Variants in DGCR8 observed in about 807,000 individuals in gnomAD.
The protein encoded by DGCR8 is DGCR8 microprocessor complex subunit.
DGCR8 carries 14 observed loss-of-function variants against 78.5 expected under a neutral mutation model. The ratio of observed to expected loss-of-function variants is 0.18; its 90% CI spans 0.12 to 0.28. DGCR8 has a LOEUF of 0.28. DGCR8 is among the 10% of genes least tolerant of loss of function. The pLI, the probability that DGCR8 is intolerant of heterozygous loss-of-function variation, is 1.00. For synonymous variants in DGCR8, 399 were observed against 402.4 expected (o/e 0.99, Z 0.10); for missense variants, 702 against 1,022.5 (o/e 0.69, Z 4.28).
intron 3 of DGCR8, among the ~76,000 whole-genome samples, chr22:20,088,353 T>A (rs913802661): frequency 3.9e-5 from 6 of 152,064 alleles, no homozygotes; most frequent in Non-Finnish European, 8.8e-5. Flanking sequence ...ATTCAGAAGG[T>A]AAACCCACAT....
At chr22:20,101,945 T>C (rs1263350769) in intron 9 of DGCR8, 1 of 985,322 alleles carries the variant, frequency 1.0e-6, no homozygotes, top group African/African-American at 1.7e-5. Flanking sequence ...TGCTACTTGA[T>C]TAAAAAGGGA....
intron 1 of DGCR8, among the ~76,000 whole-genome samples, chr22:20,081,728 C>T (rs1294722697): frequency 6.6e-6 from 1 of 152,198 alleles, no homozygotes; most frequent in Non-Finnish European, 1.5e-5. Context: ...GTGTTTCTGG[C>T]CACCTCTTCC....
At position 20,091,617 on chromosome 22, in the gene DGCR8, G is replaced by A. The variant is rs1222749114; in HGVS notation, c.1489G>A (p.Ala497Thr). ...GCTCATTACTTTATCAGTGCAAGAT[G>A]CACCCACAAAGAAAGGTATAAGCCT... ...QKLITLSVQD[A>T]PTKKEFVINP... The change falls in exon 6 of 14, where the codon GCA (alanine) becomes ACA (threonine). Residue 497 changes from alanine (A) to threonine (T), a missense_variant. Ala to Thr is a moderately conservative substitution (Grantham distance 58). This residue lies in a region of DGCR8 where 225 missense variants were observed against 427.7 expected (regional missense o/e 0.53). Coordinates refer to ENST00000351989, the MANE Select transcript of DGCR8 (RefSeq NM_022720.7). The A allele has an allele frequency of 6.2e-7, 1 of 1,614,022 alleles. No individual in the cohort carries two copies. Among genetic ancestry groups the A allele is most frequent in the Non-Finnish European group, 8.5e-7 (1 of 1,180,012 alleles).
Position 20,087,227 on chromosome 22 carries a change from A to G in DGCR8, c.786A>G (p.Arg262=), listed in dbSNP as rs747257679. 1.2e-5 allele frequency: 20 copies of G among 1,614,136 alleles called. No homozygotes were observed. The East Asian group carries it at 4.2e-4, about 34-fold the overall frequency. The change falls in exon 3 of 14, where the codon CGA becomes CGG. Residue 262 remains arginine, a synonymous_variant. Transcript: ENST00000351989. This position sits in a 1 kb window ranked among gnomAD's most constrained non-coding sequence, Gnocchi z 4.1. ...GCCTTTGTGCCCCCAAAAAGAGGCG[A>G]ACAGAGGAAAAATATGGCGGAGACA... ...EEGLCAPKKR[R]TEEKYGGDSD... is the part of the protein sequence containing the mutation.
At chr22:20,084,936 C>T in intron 1 of DGCR8, 1 of 981,644 alleles carries the variant, frequency 1.0e-6, no homozygotes, top group Non-Finnish European at 1.2e-6. Flanking sequence ...TCAGTGGCTC[C>T]TTATTGTCCC....
rs2049844035 is a variant in DGCR8, at chr22:20,111,480, C to T, written c.*1372C>T. ...CTTCTGTTGACCTTTAAAAAAGAAA[C>T]CCTCAACTCAAATTGCTATAATTAG... On this transcript the variant is annotated 3_prime_UTR_variant, in exon 14 of 14. Coordinates refer to ENST00000351989, the MANE Select transcript of DGCR8 (RefSeq NM_022720.7). 7.5e-6 allele frequency: 3 copies of T among 397,992 alleles called. No individual in the cohort carries two copies. The East Asian group carries it at 1.1e-4, about 14-fold the overall frequency. 24.7% of individuals were successfully genotyped at this position (397,992 alleles called of 1,614,324 possible). A position where few individuals can be genotyped will look rare whatever the true frequency, so the allele number is the denominator to read the frequency against.
intron 9 of DGCR8, chr22:20,101,660 T>C (rs977817621): frequency 4.1e-6 from 4 of 985,110 alleles, no homozygotes; most frequent in Middle Eastern, 5.2e-4. Flanking sequence ...TTCCCTCCGT[T>C]GTAGGGTGGT....
chr22:20,096,708 G>A (rs2049632713), intron 9 of DGCR8, among the ~76,000 whole-genome samples: 1 of 152,202 alleles, frequency 6.6e-6, no homozygotes, highest in African/African-American at 2.4e-5. Context: ...CCACTAATCT[G>A]CTTTCTGTCT....
intron 9 of DGCR8, among the ~76,000 whole-genome samples, chr22:20,104,046 C>G (rs893089947): frequency 2.7e-4 from 41 of 152,312 alleles, no homozygotes; most frequent in African/African-American, 8.7e-4. Context: ...CAGGTCACTT[C>G]TGCCATCTGT....
At chr22:20,097,397 T>G (rs2049641250) in intron 9 of DGCR8, among the ~76,000 whole-genome samples, 1 of 152,238 alleles carries the variant, frequency 6.6e-6, no homozygotes, top group Admixed American at 6.5e-5. Context: ...GAGCCAGTGT[T>G]GATAGTTTGT....
chr22:20,104,907 T>A (rs1395147777), intron 9 of DGCR8, among the ~76,000 whole-genome samples: 1 of 152,186 alleles, frequency 6.6e-6, no homozygotes, highest in Non-Finnish European at 1.5e-5. Context: ...GGAGCGGGCT[T>A]GGCACACTGT....
rs1360521385 is a variant in DGCR8 at position 20,110,048 on chromosome 22, G to A, written c.2262G>A (p.Lys754=). ...EEREETRKKP[K]MSIVASAQPG... ...AGGAGGAGACTCGAAAGAAGCCCAA[G>A]ATGTCCATTGTGGCGTCCGCCCAGC... Residue 754 remains lysine, a synonymous_variant, in exon 14 of 14, where the codon AAG becomes AAA. Coordinates refer to ENST00000351989, the MANE Select transcript of DGCR8 (RefSeq NM_022720.7). The A allele has an allele frequency of 1.2e-6, 2 of 1,613,718 alleles. No individual in the cohort carries two copies. Among genetic ancestry groups the A allele is most frequent in the South Asian group, 1.1e-5 (1 of 91,088 alleles).
intron 9 of DGCR8, among the ~76,000 whole-genome samples, chr22:20,105,224 C>T (rs907553613): frequency 2.0e-5 from 3 of 152,200 alleles, no homozygotes; most frequent in African/African-American, 7.2e-5. Context: ...ATATGAAAAT[C>T]GGAGCAATGC....
At chr22:20,088,924 A>G (rs2049521082) in intron 3 of DGCR8, among the ~76,000 whole-genome samples, 1 of 152,080 alleles carries the variant, frequency 6.6e-6, no homozygotes, top group Non-Finnish European at 1.5e-5. Context: ...CCAGGACTAT[A>G]GGTGTATGCC....
chr22:20,103,359 G>A (rs1312813460), intron 9 of DGCR8, among the ~76,000 whole-genome samples: 1 of 152,108 alleles, frequency 6.6e-6, no homozygotes, highest in African/African-American at 2.4e-5. Context: ...AATATTTTAT[G>A]TATGGCACTG....
In DGCR8 at chr22:20,110,532, G is replaced by A. The variant is rs564868379; in HGVS notation, c.*424G>A. On this transcript the variant is annotated 3_prime_UTR_variant, in exon 14 of 14. Transcript: ENST00000351989. Reference sequence around the variant, plus strand: ...CTGTGGCTGGCCCGTGATGCCAGGTGGCCCATGTGCCCAGGGCGCCTGCAG... The same window carrying A: ...CTGTGGCTGGCCCGTGATGCCAGGTAGCCCATGTGCCCAGGGCGCCTGCAG... 3.0e-5 allele frequency: 5 copies of A among 166,436 alleles called. No individual in the cohort carries two copies. The Admixed American group carries it at 3.1e-4, about 10-fold the overall frequency. The allele number at this position is 166,436 out of a possible 1,614,324, so 10.3% of individuals were successfully genotyped here.
In DGCR8 at chr22:20,111,575, C is replaced by T; in HGVS notation, c.*1467C>T. 5.0e-6 allele frequency: 2 copies of T among 397,352 alleles called. No individual in the cohort carries two copies. Among genetic ancestry groups the T allele is most frequent in the Non-Finnish European group, 4.4e-6 (1 of 225,802 alleles). 24.6% of individuals were successfully genotyped at this position (397,352 alleles called of 1,614,324 possible). On this transcript the variant is annotated 3_prime_UTR_variant, in exon 14 of 14. Coordinates refer to ENST00000351989, the MANE Select transcript of DGCR8 (RefSeq NM_022720.7). ...ATTTGACTGTGACTGTTGCCCTTAG[C>T]CAGCCAGATGCGCCTGTGAACCAAA...
intron 5 of DGCR8, 62 bp from the exon 6 acceptor site, chr22:20,091,373 G>T: frequency 6.4e-7 from 1 of 1,569,508 alleles, no homozygotes; most frequent in African/African-American, 1.3e-5. Flanking sequence ...GCACTGGGCT[G>T]TGAGAACCTG....
rs1280134496 is a variant in DGCR8 at position 20,085,727 on chromosome 22, C to T, written c.-237C>T. 6.5e-5 allele frequency: 88 copies of T among 1,350,496 alleles called. No homozygotes were observed. The highest frequency in any genetic ancestry group is 7.9e-5 in the Non-Finnish European group (84 of 1,056,642). 83.7% of individuals were successfully genotyped at this position (1,350,496 alleles called of 1,614,324 possible). A position where few individuals can be genotyped will look rare whatever the true frequency, so the allele number is the denominator to read the frequency against. ...TGCCACTCCGGCATGAAGACAGACT[C>T]GCTTAGTCGCCAGTCACTTAAGCTG... On this transcript the variant is annotated 5_prime_UTR_variant, in exon 2 of 14. Transcript: ENST00000351989. This position sits in a 1 kb window ranked among gnomAD's most constrained non-coding sequence, Gnocchi z 6.2.
Sources: gnomAD v4.1 joint callset for allele counts (sites outside exome capture counted in the v4.1 genomes callset) on GRCh38, gnomAD v4.1.1 for gene constraint, gnomAD v4.1.1 regional missense constraint, Gnocchi (gnomAD v3.1) non-coding constraint, MANE v1.5 for transcripts, NCBI Gene and HGNC (gene_info 2026-07-23, HGNC 2026-07-21) for gene names.